SMCO4: variants seen among roughly 807,000 people sequenced by gnomAD.
SMCO4 encodes the protein single-pass membrane protein with coiled-coil domains 4.
In SMCO4, 4 loss-of-function variants were observed where a neutral mutation model predicts 3.6. That is an observed-to-expected ratio of 1.11 (90% confidence interval 0.54 to 2.53). The LOEUF (loss-of-function observed/expected upper bound fraction) is 2.53. SMCO4 is among the 30% of genes most tolerant of loss of function. The probability of loss-of-function intolerance (pLI) is 0.02; values close to 1 mark genes in which losing one functional copy is unlikely to be tolerated. For synonymous variants in SMCO4, 36 were observed against 35.3 expected, an observed-to-expected ratio of 1.02 and a Z score of -0.07; for missense variants, 70 against 80.8, an observed-to-expected ratio of 0.87 and a Z score of 0.51.
intron 1 of SMCO4, among the ~76,000 whole-genome samples, chr11:93,520,781 G>T (rs770936893): frequency 6.6e-6 from 1 of 152,240 alleles, no homozygotes; most frequent in African/African-American, 2.4e-5. Flanking sequence ...ACCCAGACTT[G>T]CAAATTAGGG....
chr11:93,511,893 T>G (rs1240989287), intron 1 of SMCO4, among the ~76,000 whole-genome samples: 2 of 152,226 alleles, frequency 1.3e-5, no homozygotes, highest in Non-Finnish European at 2.9e-5. Context: ...ATGACCCTGG[T>G]AATTTTCATT....
chr11:93,542,170 G>T (rs902491670), intron 1 of SMCO4, among the ~76,000 whole-genome samples: 3 of 150,912 alleles, frequency 2.0e-5, no homozygotes, highest in Non-Finnish European at 4.4e-5. Context: ...CACACAGGTT[G>T]TTCTAATAAA....
intron 2 of SMCO4, among the ~76,000 whole-genome samples, chr11:93,482,746 T>C (rs1948606725): frequency 1.3e-5 from 2 of 152,198 alleles, no homozygotes. Context: ...CAGTGGCACG[T>C]GCTCAGTGCA....
At chr11:93,503,791 T>C (rs925218096) in intron 1 of SMCO4, among the ~76,000 whole-genome samples, 4 of 152,194 alleles carry the variant, frequency 2.6e-5, no homozygotes, top group African/African-American at 9.7e-5. Context: ...GTCCTGCCCA[T>C]ACCTTGATTT....
intron 1 of SMCO4, among the ~76,000 whole-genome samples, chr11:93,518,569 A>G (rs1313857286): frequency 3.3e-5 from 5 of 152,256 alleles, no homozygotes; most frequent in African/African-American, 1.2e-4. Flanking sequence ...TGCAAAGAAA[A>G]GCCAGAAGGA....
chr11:93,493,617 T>C (rs1948743622), intron 2 of SMCO4, among the ~76,000 whole-genome samples: 1 of 152,186 alleles, frequency 6.6e-6, no homozygotes, highest in South Asian at 2.1e-4. Context: ...AACCCATGTC[T>C]GATCTTAGTC....
Position 93,479,213 on chromosome 11 carries a change from G to A in SMCO4, c.-24C>T, listed in dbSNP as rs549244127. On this transcript the variant is annotated 5_prime_UTR_variant, in exon 3 of 3. Coordinates refer to ENST00000298966, the MANE Select transcript of SMCO4 (RefSeq NM_020179.3). ...ATCTTTCCTAGAGGATGCTAGGAGG[G>A]TGTGTCCAGAGGGATTCCAGGAAGG... is the stretch of plus-strand genomic sequence containing the variant. The A allele has an allele frequency of 3.5e-5, 56 of 1,609,900 alleles. 1 individual carries two copies. The South Asian group carries it at 5.8e-4, about 17-fold the overall frequency.
intron 1 of SMCO4, among the ~76,000 whole-genome samples, chr11:93,523,553 G>A (rs141419086): frequency 1.6e-3 from 247 of 152,246 alleles, no homozygotes; most frequent in African/African-American, 4.2e-3. Flanking sequence ...CAGCTATTCC[G>A]GAGGCAGAGA....
chr11:93,530,269 A>T (rs1292680700), intron 1 of SMCO4, among the ~76,000 whole-genome samples: 10 of 152,188 alleles, frequency 6.6e-5, no homozygotes, highest in Non-Finnish European at 1.5e-4. Flanking sequence ...TGCAGCTCAC[A>T]GCAGGGCAGC....
At chr11:93,540,621 C>A (rs1318488318) in intron 1 of SMCO4, among the ~76,000 whole-genome samples, 2 of 152,200 alleles carry the variant, frequency 1.3e-5, no homozygotes, top group African/African-American at 4.8e-5. Flanking sequence ...GAAAGATCAT[C>A]AGTAACTTAT....
intron 1 of SMCO4, among the ~76,000 whole-genome samples, chr11:93,536,593 A>C (rs891460488): frequency 6.6e-6 from 1 of 152,200 alleles, no homozygotes; most frequent in African/African-American, 2.4e-5. Flanking sequence ...GTATTTGTGT[A>C]TACAGGCTTG....
intron 2 of SMCO4, among the ~76,000 whole-genome samples, chr11:93,484,353 G>A (rs1308725301): frequency 6.6e-5 from 10 of 152,058 alleles, no homozygotes; most frequent in Admixed American, 6.5e-4. Flanking sequence ...ACTTTTCTCC[G>A]ATTTGGAGAT....
At chr11:93,536,910 T>TTGG (rs1949231099) in intron 1 of SMCO4, among the ~76,000 whole-genome samples, 1 of 152,224 alleles carries the variant, frequency 6.6e-6, no homozygotes, top group African/African-American at 2.4e-5. Context: ...TTCCCAAGAC[T>TTGG]GACAAAGTTC....
upstream of SMCO4, among the ~76,000 whole-genome samples, chr11:93,544,925 T>C (rs1371208115): frequency 6.6e-6 from 1 of 152,216 alleles, no homozygotes; most frequent in Non-Finnish European, 1.5e-5. Flanking sequence ...TAGTGTTCTA[T>C]GCGCTGAAAG....
At chr11:93,501,600 T>C (rs1374948113) in intron 1 of SMCO4, among the ~76,000 whole-genome samples, 1 of 152,188 alleles carries the variant, frequency 6.6e-6, no homozygotes, top group African/African-American at 2.4e-5. Flanking sequence ...CTTATAAGAA[T>C]ATCTGTGATG....
intron 1 of SMCO4, among the ~76,000 whole-genome samples, chr11:93,503,354 G>A (rs1477004217): frequency 6.6e-6 from 1 of 152,080 alleles, no homozygotes; most frequent in East Asian, 1.9e-4. Context: ...ATTACCACAA[G>A]AACAGTATGG....
intron 1 of SMCO4, among the ~76,000 whole-genome samples, chr11:93,534,567 C>T (rs1164302420): frequency 1.3e-5 from 2 of 152,106 alleles, no homozygotes; most frequent in African/African-American, 4.8e-5. Context: ...AAAGCTGAGG[C>T]CCAGGGAGAT....
At chr11:93,539,958 TA>T (rs1179925575) in intron 1 of SMCO4, among the ~76,000 whole-genome samples, 2,610 of 137,300 alleles carry the variant, frequency 0.019, 28 homozygotes, top group Non-Finnish European at 0.022. Context: ...AAAATTAATT[TA>T]AAAAAAAAAA....
chr11:93,481,527 C>G, intron 2 of SMCO4: 1 of 985,370 alleles, frequency 1.0e-6, no homozygotes, highest in Non-Finnish European at 1.2e-6. Flanking sequence ...CATACCAACA[C>G]CTGGAACACA....
Sources: gnomAD v4.1 joint callset for allele counts (sites outside exome capture counted in the v4.1 genomes callset) on GRCh38, gnomAD v4.1.1 for gene constraint, MANE v1.5 for transcripts, NCBI Gene and HGNC (gene_info 2026-07-23, HGNC 2026-07-21) for gene names.